Variants in VPS4A observed in about 807,000 individuals in gnomAD.
VPS4A encodes vacuolar protein sorting 4 homolog A, also known as vacuolar protein sorting-associated protein 4A.
Under a neutral mutation model 52.3 loss-of-function variants are expected in VPS4A, and 20 were observed. The observed-to-expected ratio is 0.38, with a 90% confidence interval of 0.27 to 0.56. The LOEUF (loss-of-function observed/expected upper bound fraction) is 0.56. Ranked by LOEUF, VPS4A falls within the 20% of genes least tolerant of loss-of-function variation. VPS4A has a pLI of 0.72. For missense variants in VPS4A, 419 were observed against 575.9 expected (o/e 0.73, Z 2.79); for synonymous variants, 293 against 227.7 (o/e 1.29, Z -2.58).
chr16:69,324,129 C>G, intron 10 of VPS4A, 79 bp from the exon 11 acceptor site: 1 of 1,440,690 alleles, frequency 6.9e-7, no homozygotes, highest in Admixed American at 2.0e-5. Flanking sequence ...CCACCCTCAG[C>G]TGCGCCTGTT....
At position 69,318,707 on chromosome 16, in the gene VPS4A, G is replaced by A; in HGVS notation, c.339G>A (p.Leu113=). The change falls in exon 4 of 11, where the codon CTG becomes CTA. Residue 113 remains leucine, a synonymous_variant. Coordinates refer to ENST00000254950, the MANE Select transcript of VPS4A (RefSeq NM_013245.3). ...NPEKKKLQEQ[L]MGAVVMEKPN... ...AGAAAAAGAAACTGCAAGAACAGCT[G>A]ATGGGTAAGTGGCTCGCGGCCCTGT... 1 of 1,613,834 alleles carries A rather than the reference G, an allele frequency of 6.2e-7. No individual in the cohort carries two copies. Among genetic ancestry groups the A allele is most frequent in the Non-Finnish European group, 8.5e-7 (1 of 1,179,828 alleles).
rs367705195 is a variant in VPS4A at position 69,316,392 on chromosome 16, G to A, written c.281+20G>A. ...CAAGGGGTGAGTGTCTGCAGCGTCC[G>A]CCCAGGAACCTGGGCCCTCCTCACG... On this transcript the variant is annotated intron_variant, in intron 3 of 10. Transcript: ENST00000254950. The A allele has an allele frequency of 2.7e-5, 44 of 1,612,202 alleles. No homozygotes were observed. Among genetic ancestry groups the A allele is most frequent in the African/African-American group, 2.4e-4 (18 of 75,028 alleles).
chr16:69,320,145 G>A lies in VPS4A; in HGVS notation c.625G>A (p.Val209Ile), dbSNP rs1160061571. The A allele has an allele frequency of 6.2e-7, 1 of 1,613,126 alleles. No homozygotes were observed. Among genetic ancestry groups the A allele is most frequent in the Non-Finnish European group, 8.5e-7 (1 of 1,179,408 alleles). ...CCCCCTTTCTCACCTTCACAGGCTG[G>A]TCAAGAACCTGTTTGAGCTGGCCAG... ...SKWLGESEKL[V>I]KNLFELARQH... is the part of the protein sequence containing the mutation. The change falls in exon 7 of 11, where the codon GTC (valine) becomes ATC (isoleucine). Residue 209 changes from valine to isoleucine, a missense_variant. Val to Ile is a conservative substitution (Grantham distance 29, BLOSUM62 3). Around this residue, in one of 3 missense-constraint regions of VPS4A, gnomAD observed 103 missense variants for 210.3 expected, o/e 0.49. Coordinates refer to ENST00000254950, the MANE Select transcript of VPS4A (RefSeq NM_013245.3). The surrounding 1 kb of genome is among the most constrained non-coding windows in gnomAD (Gnocchi z 4.2).
chr16:69,323,876 G>A (rs1389616306), intron 10 of VPS4A, among the ~76,000 whole-genome samples: 1 of 151,554 alleles, frequency 6.6e-6, no homozygotes, highest in East Asian at 1.9e-4. Context: ...CTTGAACCGA[G>A]GAGGTGGAGG....
rs538449830 is a variant in VPS4A at position 69,321,320 on chromosome 16, T to C, written c.1071+50T>C. On this transcript the variant is annotated intron_variant, in intron 9 of 10. Transcript: ENST00000254950. This position sits in a 1 kb window ranked among gnomAD's most constrained non-coding sequence, Gnocchi z 4.5. Reference sequence around the variant, plus strand: ...GAAAAATCTCATAGTAAGAGCGGGATGTTCGGTTTTTTTTTTCCCAGCTCC... The same window carrying C: ...GAAAAATCTCATAGTAAGAGCGGGACGTTCGGTTTTTTTTTTCCCAGCTCC... The C allele has an allele frequency of 8.5e-6, 13 of 1,525,550 alleles. No homozygotes were observed. In the East Asian group the frequency reaches 1.7e-4, roughly 20 times the overall value. 94.5% of individuals were successfully genotyped at this position (1,525,550 alleles called of 1,614,324 possible).
In VPS4A at chr16:69,322,422, G is replaced by A. The variant is rs374026130; in HGVS notation, c.1072-138G>A. 162 of 928,122 alleles carry A rather than the reference G, an allele frequency of 1.7e-4. 1 individual carries two copies. The East Asian group carries it at 3.0e-3, about 17-fold the overall frequency. 57.5% of individuals were successfully genotyped at this position (928,122 alleles called of 1,614,324 possible). A position where few individuals can be genotyped will look rare whatever the true frequency, so the allele number is the denominator to read the frequency against. ...ATGAGTCGCTCGGACCACCCAGCCC[G>A]AGTTCTGAAGGAGCCCGTCCTCCTC... is the stretch of plus-strand genomic sequence containing the variant. On this transcript the variant is annotated intron_variant, in intron 9 of 10. Transcript: ENST00000254950.
chr16:69,321,762 CAGTG>C lies in VPS4A; in HGVS notation c.1071+497_1071+500del, dbSNP rs533618893. On this transcript the variant is annotated intron_variant, in intron 9 of 10. Transcript: ENST00000254950. The surrounding 1 kb of genome is among the most constrained non-coding windows in gnomAD (Gnocchi z 4.5). ...TTGGTGGGGAGACAGTCAACACAGT[CAGTG>C]AGTGTCTCAGAGGATGGAGATGGAG... The C allele has an allele frequency of 1.0e-3, 187 of 183,446 alleles. 1 individual carries two copies. Among genetic ancestry groups the C allele is most frequent in the South Asian group, 1.7e-3 (15 of 8,650 alleles). 11.4% of individuals were successfully genotyped at this position (183,446 alleles called of 1,614,324 possible).
chr16:69,323,724 C>T (rs1340679024), intron 10 of VPS4A: 3 of 451,430 alleles, frequency 6.6e-6, no homozygotes, highest in Non-Finnish European at 1.3e-5. Flanking sequence ...CCGAGGCGGG[C>T]AGATCGCCTG....
chr16:69,315,937 C>A, intron 1 of VPS4A, 71 bp from the exon 2 acceptor site: 1 of 1,341,310 alleles, frequency 7.5e-7, no homozygotes, highest in Non-Finnish European at 1.1e-6. Context: ...ACGTTTCATC[C>A]CCATGCCTGT....
intron 1 of VPS4A, among the ~76,000 whole-genome samples, 187 bp from the exon 2 acceptor site, chr16:69,315,821 G>C (rs562864643): frequency 6.6e-6 from 1 of 152,126 alleles, no homozygotes; most frequent in East Asian, 1.9e-4. Context: ...ATGGCCGGCT[G>C]GTTTTCAAAG....
chr16:69,324,808 C>T lies in VPS4A; in HGVS notation c.*499C>T, dbSNP rs565588216. The T allele has an allele frequency of 8.8e-5, 16 of 181,388 alleles. No individual in the cohort carries two copies. The highest frequency in any genetic ancestry group is 3.5e-4 in the African/African-American group (15 of 42,968). The allele number at this position is 181,388 out of a possible 1,614,324, so 11.2% of individuals were successfully genotyped here. A position where few individuals can be genotyped will look rare whatever the true frequency, so the allele number is the denominator to read the frequency against. On this transcript the variant is annotated 3_prime_UTR_variant, in exon 11 of 11. Coordinates refer to ENST00000254950, the MANE Select transcript of VPS4A (RefSeq NM_013245.3). The stretch of plus-strand genomic sequence containing the variant: ...GGCTGATGCCCCTGCAACCCCAGCC[C>T]AAGCTCTGCCTCAAAGACCGAGTGA...
chr16:69,313,982 AC>A (rs1965407032), intron 1 of VPS4A, among the ~76,000 whole-genome samples: 1 of 117,238 alleles, frequency 8.5e-6, no homozygotes, highest in Non-Finnish European at 1.8e-5. Context: ...AGTCCAGTGC[AC>A]TCTTTTTTTT....
intron 6 of VPS4A, 150 bp downstream of exon 6, chr16:69,319,693 C>A: frequency 9.1e-7 from 1 of 1,104,346 alleles, no homozygotes; most frequent in Non-Finnish European, 1.3e-6. Flanking sequence ...TCGGCTGGGA[C>A]ACAGTCCCAA....
At chr16:69,313,378 A>C (rs1389287986) in intron 1 of VPS4A, among the ~76,000 whole-genome samples, 1 of 151,744 alleles carries the variant, frequency 6.6e-6, no homozygotes, top group Admixed American at 6.6e-5. Flanking sequence ...TATTTTCATC[A>C]CCTCCAAAAG....
Position 69,326,878 on chromosome 16 carries a change from C to A in VPS4A, c.*2569C>A, listed in dbSNP as rs115197062. On this transcript the variant is annotated 3_prime_UTR_variant, in exon 11 of 11. Coordinates refer to ENST00000254950, the MANE Select transcript of VPS4A (RefSeq NM_013245.3). ...CATGTATATGCGTTTTTTGTGAGTG[C>A]TTCCTGCTCAAAGTGGGAGAGATTT... is the stretch of plus-strand genomic sequence containing the variant. The A allele has an allele frequency of 2.0e-5, 3 of 152,160 alleles. No homozygotes were observed. The highest frequency in any genetic ancestry group is 7.2e-5 in the African/African-American group (3 of 41,414). The allele number at this position is 152,160 out of a possible 1,614,324, so 9.4% of individuals were successfully genotyped here.
In VPS4A at chr16:69,320,501, G is replaced by T. The variant is rs1965497250; in HGVS notation, c.770-187G>T. On this transcript the variant is annotated intron_variant, in intron 7 of 10. Transcript: ENST00000254950. The surrounding 1 kb of genome is among the most constrained non-coding windows in gnomAD (Gnocchi z 4.2). The stretch of plus-strand genomic sequence containing the variant: ...CTCCACCCCTCCCATGGCAGGCAGT[G>T]CCATAGGTCTCACCTGGCACAGCCA... 1.2e-6 allele frequency: 1 copy of T among 810,984 alleles called. No individual in the cohort carries two copies. Among genetic ancestry groups the T allele is most frequent in the African/African-American group, 1.7e-5 (1 of 57,650 alleles). 50.2% of individuals were successfully genotyped at this position (810,984 alleles called of 1,614,324 possible). A position where few individuals can be genotyped will look rare whatever the true frequency, so the allele number is the denominator to read the frequency against.
At position 69,317,060 on chromosome 16, in the gene VPS4A, G is replaced by T. The variant is rs551759811; in HGVS notation, c.281+688G>T. ...GTGAGGGGGTCCCCCAGGCAGGAGA[G>T]GGGTGGGTGGTGTCAGCTGCCTCAC... On this transcript the variant is annotated intron_variant, in intron 3 of 10. Coordinates refer to ENST00000254950, the MANE Select transcript of VPS4A (RefSeq NM_013245.3). 7.9e-4 allele frequency among the ~76,000 whole-genome samples: 121 copies of T among 152,288 alleles called. 1 individual carries two copies. Among genetic ancestry groups the T allele is most frequent in the Non-Finnish European group, 8.7e-4 (59 of 68,020 alleles).
Position 69,321,121 on chromosome 16 carries a change from G to T in VPS4A, c.922G>T (p.Gly308Trp). 1 of 1,595,038 alleles carries T rather than the reference G, an allele frequency of 6.3e-7. No homozygotes were observed. Among genetic ancestry groups the T allele is most frequent in the East Asian group, 2.3e-5 (1 of 43,710 alleles). ...CGCCCAGATGTTCCGGTTGCATCTC[G>T]GGAGCACTCCCCACAACCTCACGGA... is the stretch of plus-strand genomic sequence containing the variant. ...ARAQMFRLHL[G>W]STPHNLTDAN... Residue 308 changes from glycine (G) to tryptophan (W), a missense_variant, in exon 9 of 11, where the codon GGG becomes TGG. Gly to Trp is a radical substitution (Grantham distance 184). Transcript: ENST00000254950. The surrounding 1 kb of genome is among the most constrained non-coding windows in gnomAD (Gnocchi z 4.5).
At position 69,320,580 on chromosome 16, in the gene VPS4A, G is replaced by C; in HGVS notation, c.770-108G>C. The C allele has an allele frequency of 1.0e-6, 1 of 994,514 alleles. No homozygotes were observed. The allele number at this position is 994,514 out of a possible 1,614,324, so 61.6% of individuals were successfully genotyped here. On this transcript the variant is annotated intron_variant, in intron 7 of 10. Coordinates refer to ENST00000254950, the MANE Select transcript of VPS4A (RefSeq NM_013245.3). This position sits in a 1 kb window ranked among gnomAD's most constrained non-coding sequence, Gnocchi z 4.2. ...GACCCTGCCAGTGGTGGGTGGCACAGGGATGGCTTCAATTGCTGACACACA... is the reference window on the plus strand; with the variant it reads ...GACCCTGCCAGTGGTGGGTGGCACACGGATGGCTTCAATTGCTGACACACA...
Sources: allele counts gnomAD v4.1 joint callset (sites outside exome capture counted in the v4.1 genomes callset), GRCh38; gene constraint gnomAD v4.1.1; regional missense constraint gnomAD v4.1.1; non-coding constraint Gnocchi (gnomAD v3.1); transcripts MANE v1.5; gene names NCBI Gene and HGNC (gene_info 2026-07-23, HGNC 2026-07-21).